The following SOX5 variants were observed in gnomAD, a reference collection of about 807,000 sequenced individuals.
SOX5 encodes SRY-box transcription factor 5.
In SOX5, 9 loss-of-function variants were observed where a neutral mutation model predicts 92.0. The observed-to-expected ratio is 0.10, with a 90% CI of 0.06 to 0.17. The LOEUF (loss-of-function observed/expected upper bound fraction) is 0.17, where lower values mean the gene tolerates loss of function less well. Among genes scored for constraint, SOX5 ranks in the 10% least tolerant of loss-of-function variants. The pLI is 1.00. For missense variants in SOX5, 642 were observed against 944.5 expected (o/e 0.68, Z 4.20); for synonymous variants, 344 against 336.3 (o/e 1.02, Z -0.25).
intron 2 of SOX5, among the ~76,000 whole-genome samples, chr12:24,340,763 ACT>A (rs1252222044): frequency 6.6e-6 from 1 of 152,126 alleles, no homozygotes; most frequent in Middle Eastern, 3.2e-3. Context: ...CTCAAAAAAG[ACT>A]CTATCAAGAG....
intron 1 of SOX5, among the ~76,000 whole-genome samples, chr12:24,436,256 A>C (rs985107196): frequency 6.6e-6 from 1 of 152,256 alleles, no homozygotes; most frequent in Non-Finnish European, 1.5e-5. Flanking sequence ...AGACAGGCTG[A>C]AAGCTAGGAC....
intron 9 of SOX5, among the ~76,000 whole-genome samples, chr12:23,582,706 T>C (rs1034662261): frequency 7.9e-5 from 12 of 152,130 alleles, no homozygotes; most frequent in South Asian, 2.1e-4. Flanking sequence ...TAAGTCTTAT[T>C]TAGCTGAGGG....
intron 2 of SOX5, among the ~76,000 whole-genome samples, chr12:24,345,890 G>A (rs1953168483): frequency 6.6e-6 from 1 of 152,166 alleles, no homozygotes; most frequent in African/African-American, 2.4e-5. Context: ...GTTCACAGCA[G>A]CTGCACACTT....
chr12:23,837,007 T>C lies in SOX5; in HGVS notation c.481+8976A>G, dbSNP rs545717559. ...CTAAGTATTTTATTCTTTCTGATAC[T>C]ATGTTGCATCACAGAGCTTTGGAAC... On this transcript the variant is annotated intron_variant, in intron 3 of 14. Transcript: ENST00000451604. 6.0e-5 allele frequency among the ~76,000 whole-genome samples: 9 copies of C among 151,182 alleles called. No individual in the cohort carries two copies. In the East Asian group the frequency reaches 1.7e-3, roughly 29 times the overall value.
At chr12:24,080,455 G>A (rs1273085246) in intron 4 of SOX5, among the ~76,000 whole-genome samples, 6 of 151,854 alleles carry the variant, frequency 4.0e-5, no homozygotes, top group Admixed American at 2.6e-4. Context: ...GTAACATCAC[G>A]CTCTTAAAAA....
At chr12:24,026,599 C>CAAA (rs5797058) in intron 4 of SOX5, among the ~76,000 whole-genome samples, 3 of 123,828 alleles carry the variant, frequency 2.4e-5, no homozygotes, top group Non-Finnish European at 5.1e-5. Context: ...GAAAAAAAAG[C>CAAA]AAAAAAAAAA....
chr12:24,032,854 T>C (rs1273336430), intron 4 of SOX5, among the ~76,000 whole-genome samples: 1 of 151,956 alleles, frequency 6.6e-6, no homozygotes, highest in Non-Finnish European at 1.5e-5. Context: ...ACTTTCAAAC[T>C]ACACTCTCTT....
chr12:23,811,072 C>T (rs1458684951), intron 3 of SOX5, among the ~76,000 whole-genome samples: 1 of 151,986 alleles, frequency 6.6e-6, no homozygotes, highest in African/African-American at 2.4e-5. Flanking sequence ...ATTGTGTTTT[C>T]CTCAAAAGAT....
At chr12:23,663,967 C>A (rs2083424343) in intron 7 of SOX5, among the ~76,000 whole-genome samples, 1 of 151,762 alleles carries the variant, frequency 6.6e-6, no homozygotes, top group African/African-American at 2.4e-5. Flanking sequence ...ACGCAGGACA[C>A]CAAAGTAAAG....
At chr12:23,805,765 C>G (rs1337012225) in intron 3 of SOX5, among the ~76,000 whole-genome samples, 1 of 152,116 alleles carries the variant, frequency 6.6e-6, no homozygotes, top group East Asian at 1.9e-4. Context: ...AACTTATCAT[C>G]TAAGTGAAAG....
intron 3 of SOX5, among the ~76,000 whole-genome samples, chr12:24,235,787 A>G (rs1184001521): frequency 1.3e-5 from 2 of 152,216 alleles, no homozygotes; most frequent in East Asian, 3.8e-4. Flanking sequence ...AATACAATTA[A>G]AATTTTTTTA....
At chr12:23,617,627 AACTT>A (rs1187741100) in intron 8 of SOX5, among the ~76,000 whole-genome samples, 8 of 152,142 alleles carry the variant, frequency 5.3e-5, no homozygotes, top group Non-Finnish European at 7.4e-5. Context: ...GATACATTTG[AACTT>A]ACTTAAATCT....
At chr12:23,841,813 C>A (rs777193634) in intron 3 of SOX5, among the ~76,000 whole-genome samples, 3 of 151,966 alleles carry the variant, frequency 2.0e-5, no homozygotes, top group Non-Finnish European at 2.9e-5. Flanking sequence ...ATAGGTGAAA[C>A]AGGATAGTTT....
chr12:24,204,716 T>C (rs758328015), intron 4 of SOX5, among the ~76,000 whole-genome samples: 1 of 152,200 alleles, frequency 6.6e-6, no homozygotes, highest in Non-Finnish European at 1.5e-5. Context: ...AGTGTGTATG[T>C]AGATTTGTTT....
chr12:23,605,677 A>G (rs940160142), intron 8 of SOX5, among the ~76,000 whole-genome samples: 1 of 151,834 alleles, frequency 6.6e-6, no homozygotes, highest in African/African-American at 2.4e-5. Context: ...TCCAAACAAC[A>G]AAATTGCTCA....
chr12:23,913,306 C>CA (rs143785058), intron 1 of SOX5, among the ~76,000 whole-genome samples: 11,086 of 151,876 alleles, frequency 0.073, 527 homozygotes, highest in East Asian at 0.098. Flanking sequence ...TTTTATTGAA[C>CA]ATTGTTGTTA....
chr12:23,558,423 TCTC>T (rs1297517783), intron 11 of SOX5, among the ~76,000 whole-genome samples: 1 of 152,086 alleles, frequency 6.6e-6, no homozygotes, highest in East Asian at 1.9e-4. Context: ...GAAAATGACT[TCTC>T]CTTCCTGAAT....
intron 4 of SOX5, among the ~76,000 whole-genome samples, chr12:24,061,342 C>T (rs1939662200): frequency 6.6e-6 from 1 of 151,978 alleles, no homozygotes; most frequent in Non-Finnish European, 1.5e-5. Flanking sequence ...CTTAGCAGTC[C>T]CAATTAGCTT....
chr12:23,686,564 A>G (rs2087626429), intron 6 of SOX5, among the ~76,000 whole-genome samples: 1 of 152,194 alleles, frequency 6.6e-6, no homozygotes, highest in Admixed American at 6.6e-5. Context: ...ATTATTCAAA[A>G]GAAAACTAGG....
Sources: allele counts gnomAD v4.1 joint callset (sites outside exome capture counted in the v4.1 genomes callset), GRCh38; gene constraint gnomAD v4.1.1; transcripts MANE v1.5; gene names NCBI Gene and HGNC (gene_info 2026-07-23, HGNC 2026-07-21).